The following DCLK2 variants were observed in gnomAD, a reference collection of about 807,000 sequenced individuals.
The protein encoded by DCLK2 is doublecortin like kinase 2.
DCLK2 carries 31 observed loss-of-function variants against 78.4 expected under a neutral mutation model. The observed-to-expected ratio is 0.40, with a 90% CI of 0.30 to 0.53. The LOEUF is 0.53. Ranked by LOEUF, DCLK2 falls within the 20% of genes least tolerant of loss-of-function variation. The pLI is 0.61. For missense variants in DCLK2, 872 were observed against 973.7 expected (o/e 0.90, Z 1.39); for synonymous variants, 407 against 374.9 (o/e 1.09, Z -0.99).
At chr4:150,180,982 C>T (rs1047406223) in intron 2 of DCLK2, among the ~76,000 whole-genome samples, 7 of 152,100 alleles carry the variant, frequency 4.6e-5, no homozygotes, top group African/African-American at 2.4e-5. Flanking sequence ...ACACAGAGAT[C>T]GGGAACACCC....
intron 10 of DCLK2, among the ~76,000 whole-genome samples, chr4:150,234,153 C>T (rs572057025): frequency 1.3e-5 from 2 of 152,280 alleles, no homozygotes; most frequent in South Asian, 2.1e-4. Flanking sequence ...TCATTTGCAG[C>T]GTCCTCTCTT....
At chr4:150,240,643 A>G (rs1183530954) in intron 12 of DCLK2, among the ~76,000 whole-genome samples, 167 bp downstream of exon 12, 2 of 151,778 alleles carry the variant, frequency 1.3e-5, no homozygotes, top group Non-Finnish European at 2.9e-5. Context: ...AGATATACCT[A>G]ATGCTAGATG....
At chr4:150,148,735 C>A (rs1242925857) in intron 2 of DCLK2, among the ~76,000 whole-genome samples, 1 of 151,792 alleles carries the variant, frequency 6.6e-6, no homozygotes, top group African/African-American at 2.4e-5. Context: ...AGTTTGAGTT[C>A]TTTGAAATAA....
chr4:150,234,101 C>G (rs1347314503), intron 10 of DCLK2, among the ~76,000 whole-genome samples: 1 of 152,198 alleles, frequency 6.6e-6, no homozygotes, highest in Non-Finnish European at 1.5e-5. Context: ...ACTTGACTTA[C>G]CAGCAGCCTT....
chr4:150,239,586 G>A (rs1006544952), intron 10 of DCLK2, among the ~76,000 whole-genome samples, 156 bp from the exon 11 acceptor site: 2 of 152,018 alleles, frequency 1.3e-5, no homozygotes, highest in Non-Finnish European at 2.9e-5. Context: ...GGGCAACAAA[G>A]CGAGACCGTG....
intron 15 of DCLK2, among the ~76,000 whole-genome samples, chr4:150,250,630 C>T (rs145717225): frequency 3.0e-3 from 450 of 151,892 alleles, no homozygotes; most frequent in African/African-American, 9.8e-3. Flanking sequence ...CTGGGCCCCC[C>T]GTGACCCCAC....
At chr4:150,119,064 TAAC>T (rs1245195645) in intron 2 of DCLK2, among the ~76,000 whole-genome samples, 4 of 151,152 alleles carry the variant, frequency 2.6e-5, no homozygotes, top group African/African-American at 9.7e-5. Context: ...ATAATAATAA[TAAC>T]AATTGTGTTA....
chr4:150,178,783 C>G (rs1737274174), intron 2 of DCLK2, among the ~76,000 whole-genome samples: 1 of 152,152 alleles, frequency 6.6e-6, no homozygotes, highest in Non-Finnish European at 1.5e-5. Flanking sequence ...TATTTTCTTT[C>G]CTCCTAATCA....
intron 7 of DCLK2, among the ~76,000 whole-genome samples, chr4:150,222,582 A>C (rs969182174): frequency 1.3e-5 from 2 of 152,128 alleles, no homozygotes; most frequent in African/African-American, 2.4e-5. Context: ...TGGCTAGCTC[A>C]CACCTGTAAT....
intron 12 of DCLK2, among the ~76,000 whole-genome samples, chr4:150,242,654 G>C (rs1379823205): frequency 6.6e-6 from 1 of 152,126 alleles, no homozygotes; most frequent in Non-Finnish European, 1.5e-5. Flanking sequence ...TGCAGGGGCT[G>C]TCCTGGGCTT....
chr4:150,196,996 A>T (rs1403619164), intron 3 of DCLK2, among the ~76,000 whole-genome samples: 2 of 152,136 alleles, frequency 1.3e-5, no homozygotes, highest in East Asian at 3.9e-4. Flanking sequence ...TCTACTAAAA[A>T]TATAGAGAAT....
chr4:150,115,367 C>A (rs1001228108), intron 2 of DCLK2, among the ~76,000 whole-genome samples: 1 of 151,966 alleles, frequency 6.6e-6, no homozygotes, highest in Non-Finnish European at 1.5e-5. Context: ...TCTAGTATTT[C>A]AAATATTTTA....
chr4:150,214,450 A>G (rs1032975923), intron 5 of DCLK2, among the ~76,000 whole-genome samples: 2 of 152,178 alleles, frequency 1.3e-5, no homozygotes, highest in African/African-American at 4.8e-5. Context: ...ATCTTGGAGG[A>G]AAAGCTTTCC....
chr4:150,175,104 T>TG lies in DCLK2; in HGVS notation c.757-18034_757-18033insG, dbSNP rs1328996531. Among the ~76,000 whole-genome samples the TG allele has an allele frequency of 1.6e-3, 160 of 98,056 alleles. 10 individuals are homozygous for TG. The highest frequency in any genetic ancestry group is 8.4e-3 in the Middle Eastern group (2 of 238). The allele number at this position is 98,056 out of a possible 152,430, so 64.3% of individuals were successfully genotyped here. A position where few individuals can be genotyped will look rare whatever the true frequency, so the allele number is the denominator to read the frequency against. On this transcript the variant is annotated intron_variant, in intron 2 of 15. Transcript: ENST00000296550. ...TATTTATATATATATTTATATATATTTATATATTTATATTTTTTATATATA... is the reference window on the plus strand; with the variant it reads ...TATTTATATATATATTTATATATATTGTATATATTTATATTTTTTATATATA...
At chr4:150,163,448 ATCAT>A (rs904615841) in intron 2 of DCLK2, among the ~76,000 whole-genome samples, 4 of 152,146 alleles carry the variant, frequency 2.6e-5, no homozygotes, top group African/African-American at 9.7e-5. Flanking sequence ...CCATTTAAAT[ATCAT>A]TCATTCCCTT....
intron 1 of DCLK2, among the ~76,000 whole-genome samples, chr4:150,096,902 A>G (rs1488197716): frequency 1.3e-5 from 2 of 152,092 alleles, no homozygotes; most frequent in Non-Finnish European, 2.9e-5. Flanking sequence ...AGTAGAGTGA[A>G]TGGGGTGGGG....
intron 1 of DCLK2, among the ~76,000 whole-genome samples, chr4:150,083,777 A>G (rs887558338): frequency 6.6e-6 from 1 of 152,190 alleles, no homozygotes; most frequent in Admixed American, 6.5e-5. Context: ...AGGGCTGCAA[A>G]ACGTTCTTTA....
chr4:150,168,230 C>G (rs1475705039), intron 2 of DCLK2, among the ~76,000 whole-genome samples: 1 of 152,024 alleles, frequency 6.6e-6, no homozygotes, highest in Admixed American at 6.6e-5. Context: ...GTAGTCCCAG[C>G]TACTCTGGAG....
At chr4:150,227,635 T>C (rs1741716546) in intron 8 of DCLK2, among the ~76,000 whole-genome samples, 1 of 152,236 alleles carries the variant, frequency 6.6e-6, no homozygotes, top group African/African-American at 2.4e-5. Context: ...GCCAGATTTA[T>C]AGAGGCTTTT....
Sources: gnomAD v4.1 joint callset for allele counts (sites outside exome capture counted in the v4.1 genomes callset) on GRCh38, gnomAD v4.1.1 for gene constraint, MANE v1.5 for transcripts, NCBI Gene and HGNC (gene_info 2026-07-23, HGNC 2026-07-21) for gene names.